Variants in EIF4G3 observed in about 807,000 individuals in gnomAD.
EIF4G3 encodes the protein eIF-4-gamma 3.
Under a neutral mutation model 186.4 loss-of-function variants are expected in EIF4G3, and 34 were observed. That is an observed-to-expected ratio of 0.18 (90% CI 0.14 to 0.24). EIF4G3 has a LOEUF of 0.24. Ranked by LOEUF, EIF4G3 falls within the 10% of genes least tolerant of loss-of-function variation. The probability of loss-of-function intolerance (pLI) is 1.00; values close to 1 mark genes in which losing one functional copy is unlikely to be tolerated. For synonymous variants in EIF4G3, 673 were observed against 679.5 expected (o/e 0.99, Z 0.15); for missense variants, 1,536 against 1,948.5 (o/e 0.79, Z 3.99).
chr1:20,890,068 G>A (rs538042430), intron 18 of EIF4G3, among the ~76,000 whole-genome samples: 29 of 151,454 alleles, frequency 1.9e-4, no homozygotes, highest in Non-Finnish European at 3.2e-4. Flanking sequence ...CGCCTCCCGG[G>A]TTCAAGCGAT....
intron 2 of EIF4G3, among the ~76,000 whole-genome samples, chr1:21,118,693 GGA>G (rs1483726006): frequency 6.6e-6 from 1 of 151,748 alleles, no homozygotes; most frequent in African/African-American, 2.4e-5. Context: ...GGCTGAGGAA[GGA>G]GAATCACTTG....
chr1:20,869,718 T>C (rs1250175700), intron 20 of EIF4G3, among the ~76,000 whole-genome samples: 4 of 137,138 alleles, frequency 2.9e-5, no homozygotes, highest in Non-Finnish European at 6.0e-5. Flanking sequence ...AAGCTTGCAG[T>C]GAGCCGAGAT....
chr1:20,904,860 A>G, intron 15 of EIF4G3, 23 bp downstream of exon 15: 1 of 1,585,532 alleles, frequency 6.3e-7, no homozygotes, highest in Non-Finnish European at 8.7e-7. Context: ...TGCTCTGAAT[A>G]TGAACTTAAG....
chr1:20,879,683 A>C (rs538306188), intron 19 of EIF4G3, among the ~76,000 whole-genome samples, 163 bp from the exon 20 acceptor site: 15 of 152,310 alleles, frequency 9.8e-5, no homozygotes, highest in South Asian at 4.1e-4. Context: ...TATTTTAACA[A>C]ATAGTCAAAA....
At chr1:20,856,833 T>G (rs2075050551) in intron 25 of EIF4G3, among the ~76,000 whole-genome samples, 1 of 152,192 alleles carries the variant, frequency 6.6e-6, no homozygotes, top group African/African-American at 2.4e-5. Flanking sequence ...GTCTAAGAAG[T>G]AACCTAGTCT....
At chr1:21,151,702 A>T (rs2097553626) in intron 2 of EIF4G3, among the ~76,000 whole-genome samples, 1 of 112,716 alleles carries the variant, frequency 8.9e-6, no homozygotes, top group Admixed American at 1.1e-4. Flanking sequence ...TAATTCTATA[A>T]AAGCAAATTG....
chr1:20,831,411 A>T (rs1008530989), intron 30 of EIF4G3, among the ~76,000 whole-genome samples: 1 of 151,728 alleles, frequency 6.6e-6, no homozygotes, highest in Non-Finnish European at 1.5e-5. Context: ...TGCCAAAACC[A>T]GAAAGGCCAG....
intron 2 of EIF4G3, among the ~76,000 whole-genome samples, chr1:21,166,367 C>T (rs549922504): frequency 6.6e-6 from 1 of 151,878 alleles, no homozygotes; most frequent in African/African-American, 2.4e-5. Context: ...CAGGTCAAGG[C>T]TACTGTGAGC....
At chr1:20,844,567 C>T (rs1557881591) in intron 29 of EIF4G3, among the ~76,000 whole-genome samples, 1 of 151,926 alleles carries the variant, frequency 6.6e-6, no homozygotes, top group Non-Finnish European at 1.5e-5. Context: ...GGGGGCCGGG[C>T]ATGGTGGCTT....
chr1:20,954,356 T>G (rs977826424), intron 12 of EIF4G3, among the ~76,000 whole-genome samples: 1 of 151,174 alleles, frequency 6.6e-6, no homozygotes, highest in Non-Finnish European at 1.5e-5. Context: ...GCCAAGATGG[T>G]GAAACCCCAT....
intron 22 of EIF4G3, among the ~76,000 whole-genome samples, chr1:20,863,821 G>T (rs1444893208): frequency 6.6e-6 from 1 of 151,694 alleles, no homozygotes; most frequent in Non-Finnish European, 1.5e-5. Context: ...ACCTTCTCTG[G>T]TGAGAATAAT....
In EIF4G3 at chr1:21,176,249, CGCCGCCGCCGCCGCCGCT is replaced by C. The variant is rs1181650739; in HGVS notation, c.-364_-347del. 5.3e-5 allele frequency: 20 copies of C among 376,582 alleles called. 1 individual carries two copies. Among genetic ancestry groups the C allele is most frequent in the East Asian group, 1.3e-4 (3 of 22,570 alleles). The allele number at this position is 376,582 out of a possible 1,614,324, so 23.3% of individuals were successfully genotyped here. ...GGACCGCTGCCGCCGCCGCCGCCGC[CGCCGCCGCCGCCGCCGCT>C]GCTGCCGCCGCCGGGTGAGGAGGCG... On this transcript the variant is annotated 5_prime_UTR_variant, in exon 2 of 37. Coordinates refer to ENST00000602326, the MANE Select transcript of EIF4G3 (RefSeq NM_001391906.1).
chr1:21,052,892 G>A (rs1413286165), intron 3 of EIF4G3, among the ~76,000 whole-genome samples: 3 of 152,236 alleles, frequency 2.0e-5, no homozygotes, highest in African/African-American at 7.2e-5. Flanking sequence ...GCTCAATGGT[G>A]CCCAGGCTGG....
intron 29 of EIF4G3, among the ~76,000 whole-genome samples, chr1:20,845,408 A>G (rs1368549936): frequency 1.3e-5 from 2 of 152,154 alleles, no homozygotes; most frequent in Non-Finnish European, 2.9e-5. Flanking sequence ...CACGCCTGTA[A>G]TCCCAGCACT....
intron 30 of EIF4G3, among the ~76,000 whole-genome samples, chr1:20,836,347 A>G (rs1353222134): frequency 6.6e-6 from 1 of 152,178 alleles, no homozygotes; most frequent in East Asian, 1.9e-4. Context: ...GGCTCAAGCA[A>G]TCTTCCTGCC....
At position 20,982,394 on chromosome 1, in the gene EIF4G3, A is replaced by T; in HGVS notation, c.192T>A (p.Pro64=). Residue 64 remains proline (P), a synonymous_variant, in exon 8 of 37, where the codon CCT becomes CCA. Transcript: ENST00000602326. ...RPPHHQGGFR[P]IQFFQRPQIQ... is the part of the protein sequence containing the mutation. The stretch of plus-strand genomic sequence containing the variant: ...AGAACCAGTAGTTTGTTACCTGGAT[A>T]GGTCTGAATCCTCCCTTCAAATATG... 1 of 1,526,486 alleles carries T rather than the reference A, an allele frequency of 6.6e-7. No homozygotes were observed. The allele number at this position is 1,526,486 out of a possible 1,614,324, so 94.6% of individuals were successfully genotyped here.
At chr1:21,074,576 C>CT (rs1435514623) in intron 3 of EIF4G3, among the ~76,000 whole-genome samples, 3 of 151,952 alleles carry the variant, frequency 2.0e-5, no homozygotes, top group African/African-American at 7.3e-5. Context: ...CAACCAAATC[C>CT]TTTCTGTCTT....
At position 20,962,917 on chromosome 1, in the gene EIF4G3, T is replaced by TG. The variant is rs1348906852; in HGVS notation, c.714+6556_714+6557insC. 2.7e-4 allele frequency among the ~76,000 whole-genome samples: 41 copies of TG among 149,468 alleles called. 1 individual carries two copies. The highest frequency in any genetic ancestry group is 4.2e-4 in the Non-Finnish European group (28 of 67,212). ...TGCCTCTTGTAGTTTTGTTTTTTTTTTGTTTTTTTTTTTTTTGAGAGACAA... is the reference window on the plus strand; with the variant it reads ...TGCCTCTTGTAGTTTTGTTTTTTTTTGTGTTTTTTTTTTTTTTGAGAGACAA... On this transcript the variant is annotated intron_variant, in intron 12 of 36. Coordinates refer to ENST00000602326, the MANE Select transcript of EIF4G3 (RefSeq NM_001391906.1).
At chr1:21,003,571 C>G in intron 4 of EIF4G3, 1 of 278,798 alleles carries the variant, frequency 3.6e-6, no homozygotes, top group Non-Finnish European at 7.1e-6. Context: ...AACTTTCCCT[C>G]CTATGTGTTT....
Sources: allele counts gnomAD v4.1 joint callset (sites outside exome capture counted in the v4.1 genomes callset), GRCh38; gene constraint gnomAD v4.1.1; transcripts MANE v1.5; gene names NCBI Gene and HGNC (gene_info 2026-07-23, HGNC 2026-07-21).